Variants in MARCHF3 observed in about 807,000 individuals in gnomAD.
MARCHF3 encodes membrane associated ring-CH-type finger 3.
Under a neutral mutation model 24.2 loss-of-function variants are expected in MARCHF3, and 13 were observed. That is an observed-to-expected ratio of 0.54 (90% CI 0.35 to 0.85). MARCHF3 has a LOEUF of 0.85. MARCHF3 is among the 40% of genes least tolerant of loss of function. The pLI is 0.01. For synonymous variants in MARCHF3, 144 were observed against 137.3 expected (o/e 1.05, Z -0.34); for missense variants, 276 against 325.0 (o/e 0.85, Z 1.16).
rs1752938275 is a variant in MARCHF3, at chr5:126,870,735, C to T, written c.660G>A (p.Arg220=). The stretch of plus-strand genomic sequence containing the variant: ...CAGACTTTGGAATGAGGAGAATCAC[C>T]CTCTGATTGGTCCGACGCCACTCGT... ...LYNEWRRTNQ[R]VILLIPKSVN... Residue 220 remains arginine, a synonymous_variant, in exon 5 of 5, where the codon AGG becomes AGA. Transcript: ENST00000308660. 1 of 1,614,160 alleles carries T rather than the reference C, an allele frequency of 6.2e-7. No homozygotes were observed. The highest frequency in any genetic ancestry group is 1.1e-5 in the South Asian group (1 of 91,082).
intron 1 of MARCHF3, among the ~76,000 whole-genome samples, chr5:126,994,858 G>A (rs78051241): frequency 3.3e-5 from 5 of 152,200 alleles, no homozygotes; most frequent in Admixed American, 6.5e-5. Context: ...GCCTTCAGCC[G>A]GTGGCCGAAG....
intron 1 of MARCHF3, among the ~76,000 whole-genome samples, chr5:126,958,041 C>T (rs1304706664): frequency 6.6e-6 from 1 of 152,010 alleles, no homozygotes; most frequent in Non-Finnish European, 1.5e-5. Context: ...ACTTATTGCC[C>T]ATACACGGGA....
chr5:127,011,252 G>A (rs1752461615), intron 1 of MARCHF3, among the ~76,000 whole-genome samples: 1 of 152,188 alleles, frequency 6.6e-6, no homozygotes, highest in Admixed American at 6.5e-5. Flanking sequence ...GAATCCATCA[G>A]CCAGGATACT....
chr5:126,947,965 T>A (rs1750087379), intron 1 of MARCHF3, among the ~76,000 whole-genome samples: 2 of 152,106 alleles, frequency 1.3e-5, no homozygotes, highest in Non-Finnish European at 2.9e-5. Context: ...TCATTAATGA[T>A]CTGCAGGTAC....
chr5:127,005,068 C>T (rs1208392871), intron 1 of MARCHF3, among the ~76,000 whole-genome samples: 3 of 151,878 alleles, frequency 2.0e-5, no homozygotes, highest in Non-Finnish European at 4.4e-5. Flanking sequence ...AAAAGAGTTC[C>T]GTCCTCATGT....
chr5:126,879,570 T>C lies in MARCHF3; in HGVS notation c.394-1176A>G, dbSNP rs762406874. Among the ~76,000 whole-genome samples, 44 of 152,232 alleles carry C rather than the reference T, an allele frequency of 2.9e-4. 1 individual carries two copies. Among genetic ancestry groups the C allele is most frequent in the Non-Finnish European group, 5.9e-5 (4 of 68,046 alleles). On this transcript the variant is annotated intron_variant, in intron 3 of 4. Coordinates refer to ENST00000308660, the MANE Select transcript of MARCHF3 (RefSeq NM_178450.5). ...AATTTCTACAGTTAGGAAAATAGGA[T>C]GGCTGTCCTCCCATTTGGGTACCTG...
intron 1 of MARCHF3, among the ~76,000 whole-genome samples, chr5:127,025,174 T>C (rs909169610): frequency 1.3e-5 from 2 of 151,976 alleles, no homozygotes; most frequent in South Asian, 2.1e-4. Flanking sequence ...GAAGAAAACA[T>C]TGCAAAATAG....
At chr5:126,892,892 G>T (rs1753746367) in intron 3 of MARCHF3, among the ~76,000 whole-genome samples, 1 of 151,660 alleles carries the variant, frequency 6.6e-6, no homozygotes, top group Admixed American at 6.6e-5. Flanking sequence ...ACCTCTGGTA[G>T]AATTCAGCTG....
At chr5:126,985,675 C>A (rs1375935325) in intron 1 of MARCHF3, among the ~76,000 whole-genome samples, 1 of 152,040 alleles carries the variant, frequency 6.6e-6, no homozygotes, top group Admixed American at 6.6e-5. Flanking sequence ...CAGGGTTTCA[C>A]CATGTTGGCC....
At chr5:126,906,728 C>T (rs1754312768) in intron 3 of MARCHF3, among the ~76,000 whole-genome samples, 1 of 151,850 alleles carries the variant, frequency 6.6e-6, no homozygotes, top group Non-Finnish European at 1.5e-5. Context: ...ATTAGTCTTG[C>T]TAGTGGTCTA....
At position 126,977,443 on chromosome 5, in the gene MARCHF3, A is replaced by G. The variant is rs143310022; in HGVS notation, c.-57+52907T>C. Among the ~76,000 whole-genome samples, 56 of 152,338 alleles carry G rather than the reference A, an allele frequency of 3.7e-4. 1 individual carries two copies. The East Asian group carries it at 9.8e-3, about 27-fold the overall frequency. Reference sequence around the variant, plus strand: ...CCCCCAACCCATCTACCTCTAATGTATATTTCCTTGCCAGCCACCTTAAGC... The same window carrying G: ...CCCCCAACCCATCTACCTCTAATGTGTATTTCCTTGCCAGCCACCTTAAGC... On this transcript the variant is annotated intron_variant, in intron 1 of 4. Coordinates refer to ENST00000308660, the MANE Select transcript of MARCHF3 (RefSeq NM_178450.5).
intron 1 of MARCHF3, among the ~76,000 whole-genome samples, chr5:126,988,238 C>T (rs1389162006): frequency 6.6e-6 from 1 of 152,134 alleles, no homozygotes; most frequent in Non-Finnish European, 1.5e-5. Context: ...TTCCAGGAGA[C>T]AAGCCCCCCA....
intron 1 of MARCHF3, among the ~76,000 whole-genome samples, chr5:126,969,116 T>C (rs1750911600): frequency 1.3e-5 from 2 of 152,250 alleles, no homozygotes; most frequent in African/African-American, 4.8e-5. Context: ...ATGAGTTTTA[T>C]ATTTTAGCTC....
Position 126,922,339 on chromosome 5 carries a change from T to TAACA in MARCHF3, c.-56-4116_-56-4113dup, listed in dbSNP as rs202091047. Among the ~76,000 whole-genome samples the TAACA allele has an allele frequency of 5.7e-3, 861 of 152,312 alleles. 11 individuals carry two copies. Among genetic ancestry groups the TAACA allele is most frequent in the African/African-American group, 0.02 (827 of 41,570 alleles). ...TCCTGAATATTTGAAATTAGGATAC[T>TAACA]AACACATCCTGAGCCACCTCACCTG... On this transcript the variant is annotated intron_variant, in intron 1 of 4. Transcript: ENST00000308660.
chr5:126,918,136 G>A lies in MARCHF3; in HGVS notation c.36C>T (p.Val12=), dbSNP rs747305277. The change falls in exon 2 of 5, where the codon GTC becomes GTT. Residue 12 remains valine, a synonymous_variant. Transcript: ENST00000308660. The part of the protein sequence containing the change: ...TTSRCSHLPE[V]LPDCTSSAAP... Reference sequence around the variant, plus strand: ...CAGCTGAGCTGGTGCAGTCTGGCAGGACTTCGGGCAGGTGACTGCAGCGGC... The same window carrying A: ...CAGCTGAGCTGGTGCAGTCTGGCAGAACTTCGGGCAGGTGACTGCAGCGGC... The A allele has an allele frequency of 6.8e-6, 11 of 1,613,902 alleles. No homozygotes were observed. The highest frequency in any genetic ancestry group is 9.3e-6 in the Non-Finnish European group (11 of 1,180,034).
At chr5:126,989,921 T>A (rs1353710462) in intron 1 of MARCHF3, among the ~76,000 whole-genome samples, 1 of 152,076 alleles carries the variant, frequency 6.6e-6, no homozygotes, top group Admixed American at 6.6e-5. Flanking sequence ...GTCAGGAGTT[T>A]GAGACCAGCC....
At chr5:126,977,987 G>A (rs1751261060) in intron 1 of MARCHF3, among the ~76,000 whole-genome samples, 1 of 152,230 alleles carries the variant, frequency 6.6e-6, no homozygotes, top group Non-Finnish European at 1.5e-5. Flanking sequence ...TGGAGAAGCT[G>A]AGGGAGCTAT....
intron 1 of MARCHF3, among the ~76,000 whole-genome samples, chr5:126,923,375 G>A (rs1242927753): frequency 1.3e-5 from 2 of 152,192 alleles, no homozygotes; most frequent in Non-Finnish European, 2.9e-5. Flanking sequence ...CTCTTAGATG[G>A]AGGTCAAGAA....
intron 1 of MARCHF3, among the ~76,000 whole-genome samples, chr5:126,938,935 G>A (rs1017025376): frequency 1.3e-5 from 2 of 152,138 alleles, no homozygotes; most frequent in African/African-American, 2.4e-5. Context: ...ATTAAAATCA[G>A]GTATTTGGGG....
Sources: allele counts gnomAD v4.1 joint callset (sites outside exome capture counted in the v4.1 genomes callset), GRCh38; gene constraint gnomAD v4.1.1; transcripts MANE v1.5; gene names NCBI Gene and HGNC (gene_info 2026-07-23, HGNC 2026-07-21).